TPST1: variants seen among roughly 807,000 people sequenced by gnomAD.
TPST1 encodes the protein tyrosylprotein sulfotransferase 1.
TPST1 carries 20 observed loss-of-function variants against 34.8 expected under a neutral mutation model. The observed-to-expected ratio is 0.57, with a 90% CI of 0.40 to 0.84. The LOEUF (loss-of-function observed/expected upper bound fraction) is 0.84, where lower values mean the gene tolerates loss of function less well. Ranked by LOEUF, TPST1 falls within the 40% of genes least tolerant of loss-of-function variation. TPST1 has a pLI of 0.00. For synonymous variants in TPST1, 152 were observed against 159.4 expected (o/e 0.95, Z 0.35); for missense variants, 353 against 455.5 (o/e 0.78, Z 2.05).
At chr7:66,295,481 C>T (rs936721552) in intron 3 of TPST1, among the ~76,000 whole-genome samples, 3 of 152,170 alleles carry the variant, frequency 2.0e-5, no homozygotes, top group South Asian at 2.1e-4. Flanking sequence ...GGTGATGGAG[C>T]GAGATCCTGT....
chr7:66,301,511 C>T (rs1307178239), intron 3 of TPST1, among the ~76,000 whole-genome samples: 2 of 152,240 alleles, frequency 1.3e-5, no homozygotes, highest in Non-Finnish European at 2.9e-5. Context: ...ACATACCTTC[C>T]TCACTAAGCT....
rs1407658047 is a variant in TPST1, at chr7:66,332,677, A to G, written c.1045-19828A>G. 6.6e-6 allele frequency among the ~76,000 whole-genome samples: 1 copy of G among 151,974 alleles called. No individual in the cohort carries two copies. Among genetic ancestry groups the G allele is most frequent in the Non-Finnish European group, 1.5e-5 (1 of 68,012 alleles). Reference sequence around the variant, plus strand: ...CATGGACTGAAAATATGTGGGGGGGAAATGATGCTTACATCTGTACTGAAC... The same window carrying G: ...CATGGACTGAAAATATGTGGGGGGGGAATGATGCTTACATCTGTACTGAAC... On this transcript the variant is annotated intron_variant, in intron 3 of 5. Transcript: ENST00000304842. This position sits in a 1 kb window ranked among gnomAD's most constrained non-coding sequence, Gnocchi z 4.5.
chr7:66,234,414 C>CAT (rs895884915), intron 1 of TPST1, among the ~76,000 whole-genome samples: 5 of 150,744 alleles, frequency 3.3e-5, no homozygotes, highest in Non-Finnish European at 7.4e-5. Context: ...CACACACACA[C>CAT]ACACACACAC....
chr7:66,303,764 A>G (rs564354797), intron 3 of TPST1, among the ~76,000 whole-genome samples: 14 of 152,332 alleles, frequency 9.2e-5, no homozygotes, highest in African/African-American at 3.4e-4. Flanking sequence ...AAGGACAAAG[A>G]TATCATTTGC....
intron 2 of TPST1, among the ~76,000 whole-genome samples, chr7:66,275,437 A>G (rs1790788468): frequency 6.6e-6 from 1 of 152,238 alleles, no homozygotes; most frequent in African/African-American, 2.4e-5. Context: ...CATGTTCATT[A>G]CAGCACTATT....
chr7:66,286,001 T>C (rs890758645), intron 2 of TPST1, among the ~76,000 whole-genome samples: 2 of 152,212 alleles, frequency 1.3e-5, no homozygotes, highest in Admixed American at 6.5e-5. Flanking sequence ...TCCCCCAACA[T>C]TTTGTTACGA....
intron 3 of TPST1, among the ~76,000 whole-genome samples, chr7:66,317,456 A>G (rs552971564): frequency 2.0e-5 from 3 of 152,276 alleles, no homozygotes; most frequent in South Asian, 2.1e-4. Context: ...TAGGCATCCT[A>G]TGTTTTGTTT....
chr7:66,351,275 G>A (rs1453015498), intron 3 of TPST1, among the ~76,000 whole-genome samples: 1 of 152,160 alleles, frequency 6.6e-6, no homozygotes, highest in Non-Finnish European at 1.5e-5. Context: ...ATGTAGCAGA[G>A]TTCATTTTTT....
In TPST1 at chr7:66,209,099, C is replaced by T. The variant is rs1482661413; in HGVS notation, c.-102+3577C>T. The stretch of plus-strand genomic sequence containing the variant: ...GACCAGCCCGGCCACATGGTGAAAC[C>T]CCATCTCTACTAAAAATACAAAAAT... On this transcript the variant is annotated intron_variant, in intron 1 of 5. Coordinates refer to ENST00000304842, the MANE Select transcript of TPST1 (RefSeq NM_003596.4). Among the ~76,000 whole-genome samples the T allele has an allele frequency of 2.0e-5, 3 of 152,086 alleles. No individual in the cohort carries two copies. In the East Asian group the frequency reaches 5.8e-4, roughly 30 times the overall value.
At chr7:66,250,720 AAGAT>A (rs1790245161) in intron 2 of TPST1, among the ~76,000 whole-genome samples, 1 of 152,226 alleles carries the variant, frequency 6.6e-6, no homozygotes, top group East Asian at 1.9e-4. Flanking sequence ...CAAGCACAGT[AAGAT>A]TAACAGCAGT....
intron 2 of TPST1, among the ~76,000 whole-genome samples, chr7:66,246,749 C>G (rs1195313138): frequency 6.6e-6 from 1 of 152,222 alleles, no homozygotes; most frequent in Non-Finnish European, 1.5e-5. Flanking sequence ...TTGTCTCCAT[C>G]ATCCCCAGGA....
At chr7:66,328,906 A>ATTTTTTTTTTTT (rs1172711561) in intron 3 of TPST1, among the ~76,000 whole-genome samples, 3 of 13,160 alleles carry the variant, frequency 2.3e-4, no homozygotes, top group Non-Finnish European at 2.3e-4. Context: ...ATATATATAT[A>ATTTTTTTTTTTT]TTTTTTTTTT....
At chr7:66,352,592 A>C in intron 4 of TPST1, 37 bp downstream of exon 4, 1 of 1,599,836 alleles carries the variant, frequency 6.3e-7, no homozygotes, top group Non-Finnish European at 8.5e-7. Flanking sequence ...TGTATACTAG[A>C]TTGGCTCTTG....
At chr7:66,283,922 CA>C in intron 2 of TPST1, among the ~76,000 whole-genome samples, 1 of 152,294 alleles carries the variant, frequency 6.6e-6, no homozygotes, top group South Asian at 2.1e-4. Context: ...TCCTTAATAT[CA>C]AACCCACATA....
intron 1 of TPST1, among the ~76,000 whole-genome samples, chr7:66,207,339 C>A (rs545889332): frequency 1.3e-5 from 2 of 152,312 alleles, no homozygotes; most frequent in South Asian, 4.1e-4. Context: ...AATTGGTGGG[C>A]ATCAGCCCTG....
chr7:66,359,040 T>G (rs1366455778), intron 5 of TPST1: 4 of 152,334 alleles, frequency 2.6e-5, no homozygotes, highest in Non-Finnish European at 4.4e-5. Flanking sequence ...TAACAGTATC[T>G]GTGTTCTCTG....
chr7:66,206,634 G>C (rs1344732707), intron 1 of TPST1, among the ~76,000 whole-genome samples: 1 of 152,130 alleles, frequency 6.6e-6, no homozygotes, highest in Non-Finnish European at 1.5e-5. Context: ...CAGGCTTTGC[G>C]GTGTAATTAC....
chr7:66,358,441 T>C (rs992136316), intron 5 of TPST1, among the ~76,000 whole-genome samples: 2 of 151,820 alleles, frequency 1.3e-5, no homozygotes, highest in Non-Finnish European at 2.9e-5. Flanking sequence ...TAAGATGATA[T>C]ATATATAACA....
chr7:66,258,286 G>A (rs902444438), intron 2 of TPST1, among the ~76,000 whole-genome samples: 4 of 152,158 alleles, frequency 2.6e-5, no homozygotes, highest in African/African-American at 9.7e-5. Context: ...ATCCTTGGAA[G>A]AATGCTGATT....
Sources: gnomAD v4.1 joint callset for allele counts (sites outside exome capture counted in the v4.1 genomes callset) on GRCh38, gnomAD v4.1.1 for gene constraint, Gnocchi (gnomAD v3.1) non-coding constraint, MANE v1.5 for transcripts, NCBI Gene and HGNC (gene_info 2026-07-23, HGNC 2026-07-21) for gene names.